The following MGAT4C variants were observed in gnomAD, a reference collection of about 807,000 sequenced individuals.
MGAT4C encodes alpha-1,3-mannosyl-glycoprotein 4-beta-N-acetylglucosaminyltransferase C.
In MGAT4C, 19 loss-of-function variants were observed where a neutral mutation model predicts 40.1. The observed-to-expected ratio is 0.47, with a 90% confidence interval of 0.33 to 0.70. MGAT4C has a LOEUF of 0.70. Among genes scored for constraint, MGAT4C ranks in the 30% least tolerant of loss-of-function variants. The pLI, the probability that MGAT4C is intolerant of heterozygous loss-of-function variation, is 0.02. For synonymous variants in MGAT4C, 181 were observed against 187.1 expected, an observed-to-expected ratio of 0.97 and a Z score of 0.27; for missense variants, 491 against 563.2, an observed-to-expected ratio of 0.87 and a Z score of 1.30.
rs371545862 is a variant in MGAT4C at position 85,989,629 on chromosome 12, G to A, written c.-6-77C>T. 5.0e-4 allele frequency: 660 copies of A among 1,313,528 alleles called. 7 individuals are homozygous for A. In the South Asian group the frequency reaches 9.8e-3, roughly 19 times the overall value. 81.4% of individuals were successfully genotyped at this position (1,313,528 alleles called of 1,614,324 possible). A position where few individuals can be genotyped will look rare whatever the true frequency, so the allele number is the denominator to read the frequency against. On this transcript the variant is annotated intron_variant, in intron 2 of 4. Coordinates refer to ENST00000611864, the MANE Select transcript of MGAT4C (RefSeq NM_001351288.2). ...TTCTTTATCGCATATATAAAAGTCAGGTCCTTGTAAAATTTCATCTTTCAA... is the reference window on the plus strand; with the variant it reads ...TTCTTTATCGCATATATAAAAGTCAAGTCCTTGTAAAATTTCATCTTTCAA...
intron 1 of MGAT4C, among the ~76,000 whole-genome samples, chr12:86,791,438 T>TG: frequency 6.9e-6 from 1 of 145,726 alleles, no homozygotes; most frequent in Non-Finnish European, 1.5e-5. Context: ...ACTGTTTTTT[T>TG]TTTTTTTTTT....
At chr12:86,630,816 TG>T (rs1371806063) in intron 2 of MGAT4C, among the ~76,000 whole-genome samples, 1 of 152,022 alleles carries the variant, frequency 6.6e-6, no homozygotes, top group African/African-American at 2.4e-5. Flanking sequence ...GGCAAAAAAA[TG>T]GAAGCATTCC....
rs1312240549 is a variant in MGAT4C, at chr12:86,069,651, A to G, written c.-56-19928T>C. On this transcript the variant is annotated intron_variant, in intron 1 of 4. Coordinates refer to ENST00000611864, the MANE Select transcript of MGAT4C (RefSeq NM_001351288.2). Reference sequence around the variant, plus strand: ...CAGTCATTCTTAACTCCATCTTTAAATCCATGCCCAATATATTAGGTAACT... The same window carrying G: ...CAGTCATTCTTAACTCCATCTTTAAGTCCATGCCCAATATATTAGGTAACT... Among the ~76,000 whole-genome samples, 6 of 152,064 alleles carry G rather than the reference A, an allele frequency of 3.9e-5. No homozygotes were observed. The East Asian group carries it at 1.2e-3, about 29-fold the overall frequency.
chr12:86,798,350 C>T (rs573968341), intron 1 of MGAT4C, among the ~76,000 whole-genome samples: 1 of 151,970 alleles, frequency 6.6e-6, no homozygotes, highest in South Asian at 2.1e-4. Context: ...TCCCATCTTC[C>T]TCTTTAATGA....
chr12:86,338,360 A>C (rs1342104094), intron 3 of MGAT4C, among the ~76,000 whole-genome samples: 1 of 152,128 alleles, frequency 6.6e-6, no homozygotes, highest in Non-Finnish European at 1.5e-5. Flanking sequence ...GGGTCTGCCA[A>C]ATATCTCAAG....
intron 2 of MGAT4C, among the ~76,000 whole-genome samples, chr12:86,475,357 G>C (rs1957817349): frequency 6.6e-6 from 1 of 151,786 alleles, no homozygotes; most frequent in Admixed American, 6.6e-5. Context: ...GAGAATACTG[G>C]AAAAATAATT....
intron 1 of MGAT4C, among the ~76,000 whole-genome samples, chr12:86,146,792 C>T (rs927033957): frequency 6.6e-6 from 1 of 151,606 alleles, no homozygotes; most frequent in Non-Finnish European, 1.5e-5. Context: ...GGACAACAAT[C>T]GACCTTATTT....
Position 86,420,798 on chromosome 12 carries a change from C to T in MGAT4C, c.-120+14359G>A, listed in dbSNP as rs200868335. On this transcript the variant is annotated intron_variant, in intron 3 of 7. Transcript: ENST00000548651. ...TGACATATATATATATATATATACA[C>T]ACACACATATATATGTGTGTGTGTG... is the stretch of plus-strand genomic sequence containing the variant. Among the ~76,000 whole-genome samples the T allele has an allele frequency of 4.8e-3, 661 of 136,466 alleles. 5 individuals carry two copies. The highest frequency in any genetic ancestry group is 0.019 in the African/African-American group (632 of 33,578). 89.5% of individuals were successfully genotyped at this position (136,466 alleles called of 152,430 possible). A position where few individuals can be genotyped will look rare whatever the true frequency, so the allele number is the denominator to read the frequency against.
chr12:86,274,064 A>G (rs1953011792), intron 4 of MGAT4C, among the ~76,000 whole-genome samples: 1 of 152,174 alleles, frequency 6.6e-6, no homozygotes, highest in African/African-American at 2.4e-5. Flanking sequence ...GATAATTTGT[A>G]AGCTCCCCTA....
intron 4 of MGAT4C, among the ~76,000 whole-genome samples, chr12:86,273,391 ATTTG>A (rs1952995129): frequency 6.6e-6 from 1 of 152,164 alleles, no homozygotes; most frequent in African/African-American, 2.4e-5. Flanking sequence ...ATATAGACAT[ATTTG>A]TTAAATATAT....
intron 2 of MGAT4C, among the ~76,000 whole-genome samples, chr12:86,605,857 AT>A (rs1478037159): frequency 6.6e-6 from 1 of 152,148 alleles, no homozygotes; most frequent in Non-Finnish European, 1.5e-5. Flanking sequence ...GAAAATGCAA[AT>A]GTAGCAGGCA....
intron 1 of MGAT4C, among the ~76,000 whole-genome samples, chr12:86,114,902 A>G (rs956549287): frequency 6.6e-6 from 1 of 151,970 alleles, no homozygotes; most frequent in Non-Finnish European, 1.5e-5. Context: ...ACTAAGATTT[A>G]TGGAGGTAGT....
Position 86,354,640 on chromosome 12 carries a change from A to G in MGAT4C, c.-119-20513T>C, listed in dbSNP as rs1955265799. Reference sequence around the variant, plus strand: ...AAATGACAAAGGAAAGAATTAGTGAACCTGAAGGTATATTAATAGAAATTA... The same window carrying G: ...AAATGACAAAGGAAAGAATTAGTGAGCCTGAAGGTATATTAATAGAAATTA... On this transcript the variant is annotated intron_variant, in intron 3 of 7. Transcript: ENST00000548651. Among the ~76,000 whole-genome samples the G allele has an allele frequency of 5.9e-5, 9 of 152,368 alleles. 1 individual carries two copies. Among genetic ancestry groups the G allele is most frequent in the African/African-American group, 2.2e-4 (9 of 41,596 alleles).
At chr12:86,181,295 A>G (rs961077158) in intron 1 of MGAT4C, among the ~76,000 whole-genome samples, 3 of 152,174 alleles carry the variant, frequency 2.0e-5, no homozygotes, top group African/African-American at 4.8e-5. Context: ...AAAAAAACTA[A>G]TACAACCTGT....
In MGAT4C at chr12:86,630,794, T is replaced by C. The variant is rs542124182; in HGVS notation, c.-229+96415A>G. ...GCTTATGACAAGCCCACAGCCAGTA[T>C]CATACTGAATGGGCAAAAAAATGGA... On this transcript the variant is annotated intron_variant, in intron 2 of 7. Coordinates refer to the MGAT4C transcript ENST00000548651. Among the ~76,000 whole-genome samples, 56 of 152,300 alleles carry C rather than the reference T, an allele frequency of 3.7e-4. 1 individual carries two copies. In the South Asian group the frequency reaches 9.9e-3, roughly 27 times the overall value.
chr12:86,602,016 C>T (rs1056592889), intron 2 of MGAT4C, among the ~76,000 whole-genome samples: 3 of 152,176 alleles, frequency 2.0e-5, no homozygotes, highest in Admixed American at 6.5e-5. Flanking sequence ...GCGGAAGCCG[C>T]GGTACGTCTG....
At chr12:86,534,081 T>G (rs1959030991) in intron 2 of MGAT4C, among the ~76,000 whole-genome samples, 1 of 152,086 alleles carries the variant, frequency 6.6e-6, no homozygotes, top group Non-Finnish European at 1.5e-5. Flanking sequence ...GTGGGTAAAA[T>G]CTACATTCTG....
At chr12:86,603,562 TATAGACTATAGATA>T (rs1961900731) in intron 2 of MGAT4C, among the ~76,000 whole-genome samples, 1 of 113,420 alleles carries the variant, frequency 8.8e-6, no homozygotes, top group African/African-American at 3.6e-5. Context: ...ATATATAGTC[TATAGACTATAGATA>T]ATATATAGTC....
intron 2 of MGAT4C, among the ~76,000 whole-genome samples, chr12:86,726,548 T>C (rs1175562215): frequency 6.6e-6 from 1 of 152,188 alleles, no homozygotes; most frequent in Non-Finnish European, 1.5e-5. Flanking sequence ...TCTAAATGTT[T>C]CTCCTATTTT....
Sources: allele counts gnomAD v4.1 joint callset (sites outside exome capture counted in the v4.1 genomes callset), GRCh38; gene constraint gnomAD v4.1.1; transcripts MANE v1.5; gene names NCBI Gene and HGNC (gene_info 2026-07-23, HGNC 2026-07-21).